The following AMN variants were observed in gnomAD, a reference collection of about 807,000 sequenced individuals.
AMN encodes the protein amnion associated transmembrane protein, also known as protein amnionless.
Under a neutral mutation model 49.1 loss-of-function variants are expected in AMN, and 40 were observed. The ratio of observed to expected loss-of-function variants is 0.81; its 90% CI spans 0.63 to 1.06. The LOEUF (loss-of-function observed/expected upper bound fraction) is 1.06, where lower values mean the gene tolerates loss of function less well. AMN is among the 50% of genes least tolerant of loss of function. AMN has a pLI of 0.00. For synonymous variants in AMN, 380 were observed against 313.3 expected (o/e 1.21, Z -2.25); for missense variants, 701 against 662.8 (o/e 1.06, Z -0.63).
At position 102,930,821 on chromosome 14, in the gene AMN, C is replaced by A; in HGVS notation, c.*141C>A. 1 of 990,390 alleles carries A rather than the reference C, an allele frequency of 1.0e-6. No homozygotes were observed. The highest frequency in any genetic ancestry group is 1.4e-5 in the South Asian group (1 of 70,876). The allele number at this position is 990,390 out of a possible 1,614,324, so 61.4% of individuals were successfully genotyped here. On this transcript the variant is annotated 3_prime_UTR_variant, in exon 12 of 12. Coordinates refer to ENST00000299155, the MANE Select transcript of AMN (RefSeq NM_030943.4). The stretch of plus-strand genomic sequence containing the variant: ...GGGGGCCAAGGACAGGGTGGCCTTA[C>A]TCAGTAAAGGTGTTTCCTGCACCTG...
At position 102,929,186 on chromosome 14, in the gene AMN, C is replaced by G. The variant is rs1450516172; in HGVS notation, c.579C>G (p.His193Gln). 1.3e-6 allele frequency: 2 copies of G among 1,592,846 alleles called. No individual in the cohort carries two copies. The highest frequency in any genetic ancestry group is 1.7e-6 in the Non-Finnish European group (2 of 1,177,392). The change falls in exon 6 of 12, where the codon CAC (histidine) becomes CAG (glutamine). Residue 193 changes from histidine to glutamine, a missense_variant. Physicochemically the swap from His to Gln is conservative, Grantham distance 24. Transcript: ENST00000299155. ...LASRAGRLRF[H>Q]GPGALSVGPE... ...CCCGCGCGGGCCGCCTACGCTTCCA[C>G]GGGCCGGGCGCGCTGAGCGTGGGCC...
chr14:102,929,164 G>A lies in AMN; in HGVS notation c.557G>A (p.Arg186His), dbSNP rs777844806. The change falls in exon 6 of 12, where the codon CGC becomes CAC. Residue 186 changes from arginine to histidine, a missense_variant. Arg to His is a conservative substitution (Grantham distance 29, BLOSUM62 0). Coordinates refer to ENST00000299155, the MANE Select transcript of AMN (RefSeq NM_030943.4). Reference protein sequence around the residue: ...DEDLAVFLASRAGRLRFHGPG... With the variant: ...DEDLAVFLASHAGRLRFHGPG... ...GACCTGGCTGTTTTCCTGGCGTCCCGCGCGGGCCGCCTACGCTTCCACGGG... is the reference window on the plus strand; with the variant it reads ...GACCTGGCTGTTTTCCTGGCGTCCCACGCGGGCCGCCTACGCTTCCACGGG... 2.5e-6 allele frequency: 4 copies of A among 1,595,796 alleles called. No homozygotes were observed. Among genetic ancestry groups the A allele is most frequent in the African/African-American group, 2.7e-5 (2 of 74,886 alleles).
In AMN at chr14:102,928,467, C is replaced by A. The variant is rs748549145; in HGVS notation, c.249C>A (p.Ala83=). The change falls in exon 4 of 12, where the codon GCC becomes GCA. Residue 83 remains alanine (A), a synonymous_variant. Coordinates refer to ENST00000299155, the MANE Select transcript of AMN (RefSeq NM_030943.4). ...GGGAACTCGTCCTGGCTTCAGGAGCCGGATTCGGCGTCTCAGACGTGGGCT... is the reference window on the plus strand; with the variant it reads ...GGGAACTCGTCCTGGCTTCAGGAGCAGGATTCGGCGTCTCAGACGTGGGCT... ...LDGELVLASG[A]GFGVSDVGSH... 3.1e-6 allele frequency: 5 copies of A among 1,609,644 alleles called. No individual in the cohort carries two copies. Among genetic ancestry groups the A allele is most frequent in the Non-Finnish European group, 4.2e-6 (5 of 1,179,082 alleles).
At chr14:102,928,624 C>T in intron 4 of AMN, 111 bp downstream of exon 4, 1 of 1,490,626 alleles carries the variant, frequency 6.7e-7, no homozygotes, top group Non-Finnish European at 9.1e-7. Flanking sequence ...CCTCCGGGGG[C>T]GTGGTTTAGG....
chr14:102,930,784 TC>T lies in AMN; in HGVS notation c.*109del, dbSNP rs531032661. ...CCAGCCCCCAAACCTCCCCTTCCTTTCCCCCTCCTCCGGGGGCCAAGGACAG... is the reference window on the plus strand; with the variant it reads ...CCAGCCCCCAAACCTCCCCTTCCTTTCCCCTCCTCCGGGGGCCAAGGACAG... On this transcript the variant is annotated 3_prime_UTR_variant, in exon 12 of 12. Transcript: ENST00000299155. 448 of 1,270,430 alleles carry T rather than the reference TC, an allele frequency of 3.5e-4. 4 individuals are homozygous for T. In the East Asian group the frequency reaches 9.4e-3, roughly 27 times the overall value. 78.7% of individuals were successfully genotyped at this position (1,270,430 alleles called of 1,614,324 possible).
intron 3 of AMN, 39 bp from the exon 4 acceptor site, chr14:102,928,387 A>G: frequency 1.3e-6 from 2 of 1,531,670 alleles, no homozygotes; most frequent in Non-Finnish European, 1.8e-6. Flanking sequence ...GCAGGCCCGG[A>G]CCCCCGCGTG....
intron 1 of AMN, chr14:102,922,935 G>A: frequency 5.7e-6 from 4 of 704,172 alleles, no homozygotes; most frequent in East Asian, 3.0e-5. Context: ...GCATCGGGCG[G>A]TGCGGGAGAG....
Position 102,930,002 on chromosome 14 carries a change from C to T in AMN, c.922C>T (p.Gln308Ter). The T allele has an allele frequency of 6.4e-7, 1 of 1,560,588 alleles. No individual in the cohort carries two copies. The highest frequency in any genetic ancestry group is 8.7e-7 in the Non-Finnish European group (1 of 1,153,290). Reference sequence around the variant, plus strand: ...GCTCCGTGAGGCCGATACGGAGATCCAGGTGGTGCTGGTGGAGAATGGGCC... The same window carrying T: ...GCTCCGTGAGGCCGATACGGAGATCTAGGTGGTGCTGGTGGAGAATGGGCC... The part of the protein sequence containing the change: ...SRLREADTEI[Q>*]VVLVENGPET... The change falls in exon 9 of 12, where the codon CAG (glutamine) becomes TAG (stop). Residue 308 changes from glutamine to a stop codon, truncating the protein, a stop_gained. Coordinates refer to ENST00000299155, the MANE Select transcript of AMN (RefSeq NM_030943.4). LOFTEE classifies it high-confidence loss of function.
Position 102,928,809 on chromosome 14 carries a change from A to G in AMN, c.347A>G (p.His116Arg). The G allele has an allele frequency of 6.2e-7, 1 of 1,607,836 alleles. No individual in the cohort carries two copies. The highest frequency in any genetic ancestry group is 8.5e-7 in the Non-Finnish European group (1 of 1,179,782). ...DSDRFSWHDP[H>R]LWRSGDEAPG... ...GACCGCTTCTCCTGGCATGACCCGC[A>G]CCTGTGGCGCTCTGGGGACGAGGCA... The change falls in exon 5 of 12, where the codon CAC (histidine) becomes CGC (arginine). Residue 116 changes from histidine to arginine, a missense_variant. Coordinates refer to ENST00000299155, the MANE Select transcript of AMN (RefSeq NM_030943.4).
rs1891309778 is a variant in AMN, at chr14:102,930,258, C to T, written c.1100C>T (p.Ala367Val). 1 of 1,380,204 alleles carries T rather than the reference C, an allele frequency of 7.2e-7. No individual in the cohort carries two copies. Among genetic ancestry groups the T allele is most frequent in the Non-Finnish European group, 9.3e-7 (1 of 1,069,580 alleles). 85.5% of individuals were successfully genotyped at this position (1,380,204 alleles called of 1,614,324 possible). Reference sequence around the variant, plus strand: ...GCTGGGCTGGCGGGCGGCGTGGCGGCTGCCGTGCTGCTGGCGCTGCTGGTC... The same window carrying T: ...GCTGGGCTGGCGGGCGGCGTGGCGGTTGCCGTGCTGCTGGCGCTGCTGGTC... The part of the protein sequence containing the change: ...SAAGLAGGVA[A>V]AVLLALLVLL... Residue 367 changes from alanine (A) to valine (V), a missense_variant, in exon 10 of 12, where the codon GCT becomes GTT. Transcript: ENST00000299155.
rs972154786 is a variant in AMN at position 102,929,634 on chromosome 14, A to G, written c.761-21A>G. 1.9e-6 allele frequency: 3 copies of G among 1,547,290 alleles called. No individual in the cohort carries two copies. The South Asian group carries it at 3.6e-5, about 18-fold the overall frequency. On this transcript the variant is annotated intron_variant, in intron 7 of 11. Transcript: ENST00000299155. ...TGCCGGGCCCGGATCCACGGCGCTG[A>G]CCCCTGCCCTCCCGCCGCAGGAGCC...
At chr14:102,926,728 A>C (rs1360627669) in intron 3 of AMN, among the ~76,000 whole-genome samples, 1 of 151,826 alleles carries the variant, frequency 6.6e-6, no homozygotes, top group East Asian at 1.9e-4. Context: ...CTGAGACTAC[A>C]GGAATTTTGA....
chr14:102,923,722 G>A lies in AMN; in HGVS notation c.55G>A (p.Ala19Thr). Residue 19 changes from alanine (A) to threonine (T), a missense_variant, in exon 2 of 12, where the codon GCG becomes ACG. Coordinates refer to ENST00000299155, the MANE Select transcript of AMN (RefSeq NM_030943.4). ...LWLQLCALTQ[A>T]VSKLWVPNTD... ...CGCCTCCTCCCCAGCACTGACCCAG[G>A]CGGTCTCCAAACTCTGGGTCCCCAA... is the stretch of plus-strand genomic sequence containing the variant. 6.2e-7 allele frequency: 1 copy of A among 1,612,724 alleles called. No homozygotes were observed. The highest frequency in any genetic ancestry group is 2.2e-5 in the East Asian group (1 of 44,878).
In AMN at chr14:102,930,651, C is replaced by G. The variant is rs537194008; in HGVS notation, c.1333C>G (p.Leu445Val). 7 of 1,596,044 alleles carry G rather than the reference C, an allele frequency of 4.4e-6. No homozygotes were observed. The South Asian group carries it at 7.9e-5, about 18-fold the overall frequency. Residue 445 changes from leucine to valine, a missense_variant, in exon 12 of 12, where the codon CTG becomes GTG. Coordinates refer to ENST00000299155, the MANE Select transcript of AMN (RefSeq NM_030943.4). ...STSHSYFVNPLFAGAEAEA is the reference protein window; with the variant it reads ...STSHSYFVNPVFAGAEAEA ...CAGCCACAGTTACTTCGTCAACCCTCTGTTCGCCGGGGCCGAGGCCGAGGC... is the reference window on the plus strand; with the variant it reads ...CAGCCACAGTTACTTCGTCAACCCTGTGTTCGCCGGGGCCGAGGCCGAGGC...
intron 4 of AMN, 121 bp downstream of exon 4, chr14:102,928,634 G>A: frequency 6.7e-7 from 1 of 1,493,230 alleles, no homozygotes; most frequent in African/African-American, 1.4e-5. Context: ...CGTGGTTTAG[G>A]GAGTGGCGGA....
Position 102,929,920 on chromosome 14 carries a change from C to A in AMN, c.844-4C>A. ...AGTCAAACCAACCCCGTCCCCCTCC[C>A]CAGCCTCAGTACCACGGGCTGCAGG... On this transcript the variant is annotated splice_polypyrimidine_tract_variant and splice_region_variant and intron_variant, in intron 8 of 11. Coordinates refer to ENST00000299155, the MANE Select transcript of AMN (RefSeq NM_030943.4). 6.4e-7 allele frequency: 1 copy of A among 1,555,584 alleles called. No homozygotes were observed. Among genetic ancestry groups the A allele is most frequent in the South Asian group, 1.2e-5 (1 of 84,344 alleles).
Position 102,923,970 on chromosome 14 carries a change from C to G in AMN, c.198C>G (p.Val66=). Residue 66 remains valine, a synonymous_variant, in exon 3 of 12, where the codon GTC becomes GTG. Transcript: ENST00000299155. ...TCCTGGTGCAAGAAGGTCACGCCGT[C>G]TCAGACATGGTAAGGCCGGGCTGCT... is the stretch of plus-strand genomic sequence containing the variant. ...VSVLVQEGHA[V]SDMLLPLDGE... is the part of the protein sequence containing the mutation. 6.2e-7 allele frequency: 1 copy of G among 1,613,306 alleles called. No individual in the cohort carries two copies. Among genetic ancestry groups the G allele is most frequent in the Non-Finnish European group, 8.5e-7 (1 of 1,180,032 alleles).
rs757507992 is a variant in AMN at position 102,929,691 on chromosome 14, A to G, written c.797A>G (p.Asp266Gly). Residue 266 changes from aspartate to glycine, a missense_variant, in exon 8 of 12, where the codon GAC (aspartate) becomes GGC (glycine). Coordinates refer to ENST00000299155, the MANE Select transcript of AMN (RefSeq NM_030943.4). The stretch of plus-strand genomic sequence containing the variant: ...TTGCTGACCCACGGCCCCGCATTTG[A>G]CCTGGAGCGGTACCGGGCGCGGATA... Reference protein sequence around the residue: ...VVLLTHGPAFDLERYRARILD... With the variant: ...VVLLTHGPAFGLERYRARILD... The G allele has an allele frequency of 1.3e-6, 2 of 1,550,658 alleles. No individual in the cohort carries two copies. The highest frequency in any genetic ancestry group is 1.2e-5 in the South Asian group (1 of 84,098).
At position 102,928,977 on chromosome 14, in the gene AMN, T is replaced by C. The variant is rs374958235; in HGVS notation, c.513+2T>C. The stretch of plus-strand genomic sequence containing the variant: ...CGCAGCATCTCGGCTCTGGGCCGGG[T>C]GAGCACTGAGGGGAGGGAGGCTCGG... On this transcript the variant is annotated splice_donor_variant, in intron 5 of 11. Transcript: ENST00000299155. LOFTEE classifies it high-confidence loss of function. 3.8e-6 allele frequency: 6 copies of C among 1,598,042 alleles called. No homozygotes were observed. In the South Asian group the frequency reaches 5.5e-5, roughly 15 times the overall value.
Sources: gnomAD v4.1 joint callset for allele counts (sites outside exome capture counted in the v4.1 genomes callset) on GRCh38, gnomAD v4.1.1 for gene constraint, MANE v1.5 for transcripts, NCBI Gene and HGNC (gene_info 2026-07-23, HGNC 2026-07-21) for gene names.